AGAP1: variants seen among roughly 807,000 people sequenced by gnomAD.
The protein encoded by AGAP1 is ArfGAP with GTPase domain, ankyrin repeat and PH domain 1.
Under a neutral mutation model 105.3 loss-of-function variants are expected in AGAP1, and 29 were observed. The observed-to-expected ratio is 0.28, with a 90% CI of 0.21 to 0.38. The LOEUF (loss-of-function observed/expected upper bound fraction) is 0.38, where lower values mean the gene tolerates loss of function less well. Ranked by LOEUF, AGAP1 falls within the 10% of genes least tolerant of loss-of-function variation. The pLI is 1.00. For missense variants in AGAP1, 998 were observed against 1,165.1 expected, an observed-to-expected ratio of 0.86 and a Z score of 2.09; for synonymous variants, 509 against 485.9, an observed-to-expected ratio of 1.05 and a Z score of -0.63.
intron 1 of AGAP1, among the ~76,000 whole-genome samples, chr2:235,572,920 C>T (rs773665263): frequency 6.6e-6 from 1 of 152,140 alleles, no homozygotes; most frequent in African/African-American, 2.4e-5. Context: ...CCTTTTAGAA[C>T]GTGAATGAGA....
chr2:235,709,520 G>GGT (rs1162266423), intron 2 of AGAP1, among the ~76,000 whole-genome samples: 2 of 146,766 alleles, frequency 1.4e-5, no homozygotes, highest in Admixed American at 6.8e-5. Flanking sequence ...ACATCTCGTG[G>GGT]GTGTGTGTGT....
chr2:235,763,051 T>TGC lies in AGAP1; in HGVS notation c.673+12563_673+12564insGC, dbSNP rs1954591964. 7.9e-5 allele frequency among the ~76,000 whole-genome samples: 9 copies of TGC among 114,078 alleles called. No homozygotes were observed. In the Admixed American group the frequency reaches 9.7e-4, roughly 12 times the overall value. The allele number at this position is 114,078 out of a possible 152,430, so 74.8% of individuals were successfully genotyped here. On this transcript the variant is annotated intron_variant, in intron 6 of 17. Coordinates refer to ENST00000304032, the MANE Select transcript of AGAP1 (RefSeq NM_001037131.3). ...TAAGGCTCGGGTGTGTGTGTGTGTG[T>TGC]ATGTGTGCGCGCGCGCGCACACGTG...
rs76844243 is a variant in AGAP1, at chr2:235,931,027, C to T, written c.1483+104C>T. The T allele has an allele frequency of 3.2e-3, 4,260 of 1,343,424 alleles. 57 individuals are homozygous for T. The South Asian group carries it at 0.034, about 11-fold the overall frequency. 83.2% of individuals were successfully genotyped at this position (1,343,424 alleles called of 1,614,324 possible). ...CTAAGCTCTCATGCTCCTCTGGGAGCGCAGCACCCTGTGGGGCGGCTGCAT... is the reference window on the plus strand; with the variant it reads ...CTAAGCTCTCATGCTCCTCTGGGAGTGCAGCACCCTGTGGGGCGGCTGCAT... On this transcript the variant is annotated intron_variant, in intron 12 of 17. Coordinates refer to ENST00000304032, the MANE Select transcript of AGAP1 (RefSeq NM_001037131.3). The surrounding 1 kb of genome is among the most constrained non-coding windows in gnomAD (Gnocchi z 5.6).
At chr2:235,926,228 C>T (rs140849401) in intron 11 of AGAP1, among the ~76,000 whole-genome samples, 21 of 152,300 alleles carry the variant, frequency 1.4e-4, no homozygotes, top group African/African-American at 4.6e-4. Flanking sequence ...GAAAGTATGA[C>T]ACTATAATTG....
At chr2:235,821,509 G>A (rs767533231) in intron 9 of AGAP1, among the ~76,000 whole-genome samples, 8 of 151,104 alleles carry the variant, frequency 5.3e-5, no homozygotes, top group Admixed American at 3.3e-4. Context: ...TCAGCCTCCC[G>A]AGTAGCCGGG....
In AGAP1 at chr2:235,789,794, A is replaced by G. The variant is rs531026185; in HGVS notation, c.674-7965A>G. On this transcript the variant is annotated intron_variant, in intron 6 of 17. Coordinates refer to ENST00000304032, the MANE Select transcript of AGAP1 (RefSeq NM_001037131.3). The surrounding 1 kb of genome is among the most constrained non-coding windows in gnomAD (Gnocchi z 4.2). ...ATGGCATGTCCTAATGACTTACTCGAGCAGTTGAATCTTGGCCACAGCTTC... is the reference window on the plus strand; with the variant it reads ...ATGGCATGTCCTAATGACTTACTCGGGCAGTTGAATCTTGGCCACAGCTTC... Among the ~76,000 whole-genome samples, 7 of 152,316 alleles carry G rather than the reference A, an allele frequency of 4.6e-5. No homozygotes were observed. Among genetic ancestry groups the G allele is most frequent in the African/African-American group, 1.7e-4 (7 of 41,574 alleles).
rs1022164080 is a variant in AGAP1, at chr2:235,872,695, C to G, written c.1051-10650C>G. Among the ~76,000 whole-genome samples, 3 of 152,206 alleles carry G rather than the reference C, an allele frequency of 2.0e-5. No homozygotes were observed. The highest frequency in any genetic ancestry group is 7.2e-5 in the African/African-American group (3 of 41,456). ...ACTGATTGAACATAGAGGAGGCTGT[C>G]TGCGCGCTCAGCCCAGACCAGTGGG... On this transcript the variant is annotated intron_variant, in intron 9 of 17. Transcript: ENST00000304032. The surrounding 1 kb of genome is among the most constrained non-coding windows in gnomAD (Gnocchi z 4.5).
In AGAP1 at chr2:235,900,505, T is replaced by C. The variant is rs1161153429; in HGVS notation, c.1156-8233T>C. Among the ~76,000 whole-genome samples, 1 of 151,862 alleles carries C rather than the reference T, an allele frequency of 6.6e-6. No individual in the cohort carries two copies. The highest frequency in any genetic ancestry group is 2.4e-5 in the African/African-American group (1 of 41,344). The stretch of plus-strand genomic sequence containing the variant: ...GTGGGTCACTAGGGGTGATGGTGAG[T>C]GGTGCCACTTCCATTTCTGCCCCTT... On this transcript the variant is annotated intron_variant, in intron 10 of 17. Coordinates refer to ENST00000304032, the MANE Select transcript of AGAP1 (RefSeq NM_001037131.3). The surrounding 1 kb of genome is among the most constrained non-coding windows in gnomAD (Gnocchi z 5.5).
At chr2:235,515,966 C>T (rs1942361642) in intron 1 of AGAP1, among the ~76,000 whole-genome samples, 1 of 152,022 alleles carries the variant, frequency 6.6e-6, no homozygotes, top group Non-Finnish European at 1.5e-5. Context: ...GGTGTGCGGC[C>T]TCTGTAGCCC....
At chr2:236,097,468 C>G (rs2059221593) in intron 16 of AGAP1, among the ~76,000 whole-genome samples, 1 of 134,670 alleles carries the variant, frequency 7.4e-6, no homozygotes, top group South Asian at 2.5e-4. Flanking sequence ...CCTTGGCTCA[C>G]TGCAACCTTT....
intron 6 of AGAP1, among the ~76,000 whole-genome samples, chr2:235,794,865 CCACA>C (rs1475854382): frequency 4.6e-5 from 7 of 152,038 alleles, no homozygotes; most frequent in African/African-American, 1.7e-4. Context: ...GTCTATGCAC[CCACA>C]CACATTTACA....
intron 1 of AGAP1, among the ~76,000 whole-genome samples, chr2:235,572,521 C>G (rs559081554): frequency 3.0e-4 from 45 of 152,152 alleles, no homozygotes; most frequent in Non-Finnish European, 5.3e-4. Context: ...TTGCACCATA[C>G]CCCACAGGTC....
At position 236,049,182 on chromosome 2, in the gene AGAP1, A is replaced by G; in HGVS notation, c.2015A>G (p.Glu672Gly). 6.2e-7 allele frequency: 1 copy of G among 1,614,056 alleles called. No individual in the cohort carries two copies. Among genetic ancestry groups the G allele is most frequent in the Non-Finnish European group, 8.5e-7 (1 of 1,179,910 alleles). ...CTGGACCTGGATGACTGGCCAGTCG[A>G]GCTCATCAAGGTGATGTCATCCATC... ...RSLDLDDWPV[E>G]LIKVMSSIGN... Residue 672 changes from glutamate (E) to glycine (G), a missense_variant, in exon 16 of 18, where the codon GAG (glutamate) becomes GGG (glycine). Glu to Gly is a moderately conservative substitution (Grantham distance 98, BLOSUM62 -2). This residue lies in a region of AGAP1 where 235 missense variants were observed against 270.7 expected (regional missense o/e 0.87). Transcript: ENST00000304032.
At chr2:235,585,788 C>T (rs914740605) in intron 1 of AGAP1, among the ~76,000 whole-genome samples, 1 of 152,100 alleles carries the variant, frequency 6.6e-6, no homozygotes, top group Non-Finnish European at 1.5e-5. Flanking sequence ...TTTTACCACC[C>T]ACCACCGTCT....
In AGAP1 at chr2:235,728,931, G is replaced by A. The variant is rs1056802197; in HGVS notation, c.310+11287G>A. On this transcript the variant is annotated intron_variant, in intron 3 of 17. Transcript: ENST00000304032. This position sits in a 1 kb window ranked among gnomAD's most constrained non-coding sequence, Gnocchi z 4.3. ...TTGTGGAGGAATGGTCAAAACCCAG[G>A]CGTGATGTGACCACACCATCTGGCA... Among the ~76,000 whole-genome samples the A allele has an allele frequency of 6.6e-6, 1 of 151,530 alleles. No homozygotes were observed. Among genetic ancestry groups the A allele is most frequent in the Non-Finnish European group, 1.5e-5 (1 of 68,044 alleles).
intron 1 of AGAP1, among the ~76,000 whole-genome samples, chr2:235,616,953 A>ATT (rs11385351): frequency 6.6e-6 from 1 of 150,838 alleles, no homozygotes; most frequent in African/African-American, 2.5e-5. Flanking sequence ...GCATCTTTAA[A>ATT]TTTTTTTTAT....
chr2:235,653,823 G>A (rs188739268), intron 1 of AGAP1, among the ~76,000 whole-genome samples: 1 of 152,184 alleles, frequency 6.6e-6, no homozygotes, highest in African/African-American at 2.4e-5. Context: ...TTGGATGGCC[G>A]AGGCAGGCGG....
Position 235,682,339 on chromosome 2 carries a change from T to C in AGAP1, c.164-26840T>C, listed in dbSNP as rs1575115354. On this transcript the variant is annotated intron_variant, in intron 1 of 17. Transcript: ENST00000304032. ...AACCAGGATCCTGTTTTGTGGGGGT[T>C]TTGTTTTGTTTTGTTTTGTTTGAGA... 2.0e-5 allele frequency among the ~76,000 whole-genome samples: 3 copies of C among 151,428 alleles called. No homozygotes were observed. In the East Asian group the frequency reaches 6.0e-4, roughly 30 times the overall value.
chr2:235,670,202 A>G (rs747520114), intron 1 of AGAP1: 2 of 578,428 alleles, frequency 3.5e-6, no homozygotes. Context: ...CTCCGTGACC[A>G]TGGTCAGGAA....
Sources: gnomAD v4.1 joint callset for allele counts (sites outside exome capture counted in the v4.1 genomes callset) on GRCh38, gnomAD v4.1.1 for gene constraint, gnomAD v4.1.1 regional missense constraint, Gnocchi (gnomAD v3.1) non-coding constraint, MANE v1.5 for transcripts, NCBI Gene and HGNC (gene_info 2026-07-23, HGNC 2026-07-21) for gene names.